Variants in TENM3 observed in about 807,000 individuals in gnomAD.
TENM3 encodes teneurin-3.
In TENM3, 63 loss-of-function variants were observed where a neutral mutation model predicts 255.1. The ratio of observed to expected loss-of-function variants is 0.25; its 90% CI spans 0.20 to 0.30. TENM3 has a LOEUF of 0.30. TENM3 is among the 10% of genes least tolerant of loss of function. The pLI is 1.00. For synonymous variants in TENM3, 1,306 were observed against 1,322.3 expected, an observed-to-expected ratio of 0.99 and a Z score of 0.27; for missense variants, 2,929 against 3,461.1, an observed-to-expected ratio of 0.85 and a Z score of 3.86.
the TENM3 span, among the ~76,000 whole-genome samples, chr4:181,676,062 T>TG: frequency 6.7e-6 from 1 of 149,750 alleles, no homozygotes; most frequent in Non-Finnish European, 1.5e-5. Context: ...TAAAGTGTTA[T>TG]GTGGGGCTGC....
the TENM3 span, among the ~76,000 whole-genome samples, chr4:181,570,655 A>AAAGCAAGCAAGCAAGCAAGCAAGC: frequency 1.8e-4 from 27 of 150,354 alleles, no homozygotes; most frequent in African/African-American, 6.1e-4. Flanking sequence ...AGAAAGAAGG[A>AAAGCAAGCAAGCAAGCAAGCAAGC]AAGCAAGCAA....
intron 1 of TENM3, among the ~76,000 whole-genome samples, chr4:182,174,502 TCACACACA>T (rs71605053): frequency 3.6e-5 from 5 of 137,678 alleles, no homozygotes; most frequent in South Asian, 2.4e-4. Flanking sequence ...AGCTACTAAT[TCACACACA>T]CACACACACA....
the TENM3 span, among the ~76,000 whole-genome samples, chr4:181,495,073 G>T: frequency 6.6e-6 from 1 of 152,146 alleles, no homozygotes; most frequent in Non-Finnish European, 1.5e-5. Flanking sequence ...TTGAATTAAA[G>T]ATAATCAGTA....
At chr4:182,744,233 A>C (rs1761841128) in intron 19 of TENM3, 1 of 879,008 alleles carries the variant, frequency 1.1e-6, no homozygotes, top group African/African-American at 1.8e-5. Flanking sequence ...TGACCCTCTG[A>C]AATTGTTTTC....
At chr4:182,530,573 G>A (rs1739675537) in intron 3 of TENM3, among the ~76,000 whole-genome samples, 2 of 152,038 alleles carry the variant, frequency 1.3e-5, no homozygotes, top group African/African-American at 4.8e-5. Flanking sequence ...TGCGTTTTAG[G>A]ATGTTTAGCA....
At chr4:181,901,803 G>T in the TENM3 span, among the ~76,000 whole-genome samples, 2 of 151,796 alleles carry the variant, frequency 1.3e-5, no homozygotes, top group Admixed American at 1.3e-4. Flanking sequence ...AAAAATACCG[G>T]GTATGTCAGA....
chr4:182,133,684 T>G, the TENM3 span, among the ~76,000 whole-genome samples: 1 of 152,210 alleles, frequency 6.6e-6, no homozygotes. Flanking sequence ...GAAGTGTCAC[T>G]GAATTTTCAG....
chr4:181,621,764 A>C, the TENM3 span, among the ~76,000 whole-genome samples: 1 of 152,212 alleles, frequency 6.6e-6, no homozygotes, highest in African/African-American at 2.4e-5. Context: ...ACCACAGGGA[A>C]GTGAACTCCC....
chr4:182,056,149 C>T, the TENM3 span, among the ~76,000 whole-genome samples: 27 of 152,084 alleles, frequency 1.8e-4, no homozygotes, highest in Non-Finnish European at 4.0e-4. Context: ...GTGAAATTCT[C>T]CAAAAACCCC....
the TENM3 span, among the ~76,000 whole-genome samples, chr4:181,767,170 T>G: frequency 7.1e-6 from 1 of 141,538 alleles, no homozygotes; most frequent in Non-Finnish European, 1.5e-5. Flanking sequence ...GAGAATGGCG[T>G]GAACCCGGGA....
intron 4 of TENM3, among the ~76,000 whole-genome samples, chr4:182,621,883 C>T (rs1369577520): frequency 1.5e-5 from 2 of 137,748 alleles, no homozygotes; most frequent in Admixed American, 8.1e-5. Flanking sequence ...GCTGAGGAAG[C>T]AGGATTACTT....
chr4:182,696,142 AG>A (rs1179485604), intron 12 of TENM3, among the ~76,000 whole-genome samples: 1 of 152,232 alleles, frequency 6.6e-6, no homozygotes, highest in Non-Finnish European at 1.5e-5. Flanking sequence ...AGCATATTTA[AG>A]ATCAGTTTAT....
At chr4:182,771,446 A>C (rs1051745839) in intron 22 of TENM3, among the ~76,000 whole-genome samples, 4 of 147,824 alleles carry the variant, frequency 2.7e-5, no homozygotes, top group Non-Finnish European at 6.0e-5. Context: ...ATAGCGTGAG[A>C]GCCAGATCAA....
At chr4:181,930,707 C>T in the TENM3 span, among the ~76,000 whole-genome samples, 6 of 152,188 alleles carry the variant, frequency 3.9e-5, no homozygotes, top group South Asian at 1.2e-3. Context: ...GGCAGACACA[C>T]AACAAAAAAA....
chr4:181,471,785 A>G, the TENM3 span, among the ~76,000 whole-genome samples: 1 of 152,222 alleles, frequency 6.6e-6, no homozygotes, highest in Admixed American at 6.5e-5. Flanking sequence ...CCAAGAAAAG[A>G]GCATAACAAA....
chr4:182,393,248 C>T (rs1390745013), intron 3 of TENM3, among the ~76,000 whole-genome samples: 1 of 152,124 alleles, frequency 6.6e-6, no homozygotes, highest in Non-Finnish European at 1.5e-5. Flanking sequence ...TCAATATGGC[C>T]TGTCATCTAA....
At chr4:182,658,365 T>C (rs911365435) in intron 6 of TENM3, among the ~76,000 whole-genome samples, 1 of 152,186 alleles carries the variant, frequency 6.6e-6, no homozygotes, top group Non-Finnish European at 1.5e-5. Flanking sequence ...CGCTTGACAA[T>C]ATAATCACTC....
At chr4:182,559,202 A>T (rs528102039) in intron 3 of TENM3, among the ~76,000 whole-genome samples, 17 of 128,674 alleles carry the variant, frequency 1.3e-4, no homozygotes, top group African/African-American at 5.0e-4. Flanking sequence ...TATAGCGCTT[A>T]CGTTAACTGA....
chr4:182,506,264 C>G (rs2151686477), intron 3 of TENM3, among the ~76,000 whole-genome samples: 1 of 152,256 alleles, frequency 6.6e-6, no homozygotes, highest in African/African-American at 2.4e-5. Flanking sequence ...ACGCTTGCTA[C>G]TTTTGAAATG....
Sources: allele counts gnomAD v4.1 joint callset (sites outside exome capture counted in the v4.1 genomes callset), GRCh38; gene constraint gnomAD v4.1.1; transcripts MANE v1.5; gene names NCBI Gene and HGNC (gene_info 2026-07-23, HGNC 2026-07-21).